RPS6KC1: variants seen among roughly 807,000 people sequenced by gnomAD.
The protein encoded by RPS6KC1 is inactive ribosomal protein S6 kinase delta-1.
Under a neutral mutation model 103.8 loss-of-function variants are expected in RPS6KC1, and 54 were observed. That is an observed-to-expected ratio of 0.52 (90% CI 0.42 to 0.65). RPS6KC1 has a LOEUF of 0.65. Among genes scored for constraint, RPS6KC1 ranks in the 30% least tolerant of loss-of-function variants. The probability of loss-of-function intolerance (pLI) is 0.00; values close to 1 mark genes in which losing one functional copy is unlikely to be tolerated. For missense variants in RPS6KC1, 1,151 were observed against 1,253.8 expected, an observed-to-expected ratio of 0.92 and a Z score of 1.24; for synonymous variants, 439 against 438.7, an observed-to-expected ratio of 1.00 and a Z score of -0.01.
At chr1:213,595,269 CTTCTT>C in the RPS6KC1 span, among the ~76,000 whole-genome samples, 2 of 152,120 alleles carry the variant, frequency 1.3e-5, no homozygotes, top group African/African-American at 4.8e-5. Flanking sequence ...GGTCAAATAA[CTTCTT>C]TTCCTTTCCA....
the RPS6KC1 span, among the ~76,000 whole-genome samples, chr1:213,432,237 A>T: frequency 6.6e-6 from 1 of 152,204 alleles, no homozygotes; most frequent in African/African-American, 2.4e-5. Flanking sequence ...CCATTCCGTG[A>T]CATGCCTTTT....
chr1:213,108,707 A>G (rs977533609), intron 4 of RPS6KC1, among the ~76,000 whole-genome samples: 1 of 144,672 alleles, frequency 6.9e-6, no homozygotes, highest in Non-Finnish European at 1.5e-5. Context: ...CGAGGCTGGG[A>G]TGCAATGGCA....
the RPS6KC1 span, among the ~76,000 whole-genome samples, chr1:213,404,338 G>T: frequency 6.6e-6 from 1 of 152,238 alleles, no homozygotes; most frequent in African/African-American, 2.4e-5. Context: ...GCACTGGCCA[G>T]GTAGAGGGGA....
the RPS6KC1 span, among the ~76,000 whole-genome samples, chr1:213,313,462 A>C: frequency 6.6e-6 from 1 of 152,020 alleles, no homozygotes; most frequent in African/African-American, 2.4e-5. Flanking sequence ...TCTTCTCTCA[A>C]GCCCTGCATT....
At chr1:213,233,643 C>T (rs1020333385) in intron 10 of RPS6KC1, among the ~76,000 whole-genome samples, 2 of 151,914 alleles carry the variant, frequency 1.3e-5, no homozygotes, top group African/African-American at 4.8e-5. Flanking sequence ...TTTTTTCTAC[C>T]ATCTTCTCAC....
At chr1:213,745,245 G>A in the RPS6KC1 span, among the ~76,000 whole-genome samples, 1 of 148,162 alleles carries the variant, frequency 6.7e-6, no homozygotes, top group African/African-American at 2.5e-5. Context: ...TTTTCTTTAT[G>A]TATGTGTGTA....
the RPS6KC1 span, among the ~76,000 whole-genome samples, chr1:213,421,788 C>T: frequency 6.6e-6 from 1 of 152,216 alleles, no homozygotes; most frequent in Non-Finnish European, 1.5e-5. Context: ...ACCATCCTGG[C>T]TTGCAGATAA....
the RPS6KC1 span, among the ~76,000 whole-genome samples, chr1:213,521,387 G>A: frequency 6.6e-6 from 1 of 152,238 alleles, no homozygotes; most frequent in South Asian, 2.1e-4. Flanking sequence ...CCTTCCGTGA[G>A]TCAATCTCTC....
chr1:213,113,957 C>T (rs1404619158), intron 4 of RPS6KC1, among the ~76,000 whole-genome samples: 2 of 152,138 alleles, frequency 1.3e-5, no homozygotes, highest in Non-Finnish European at 2.9e-5. Flanking sequence ...GTTTTGGTTA[C>T]TGTAGCCTTG....
chr1:213,640,979 G>C, the RPS6KC1 span, among the ~76,000 whole-genome samples: 5 of 151,922 alleles, frequency 3.3e-5, no homozygotes, highest in Non-Finnish European at 5.9e-5. Flanking sequence ...TTTGATTTCT[G>C]TCTGTTTTTG....
the RPS6KC1 span, among the ~76,000 whole-genome samples, chr1:213,727,266 T>C: frequency 6.6e-6 from 1 of 152,192 alleles, no homozygotes; most frequent in African/African-American, 2.4e-5. Flanking sequence ...AGCTGACATT[T>C]TGAGCCCTTA....
chr1:213,230,521 A>G lies in RPS6KC1; in HGVS notation c.1069A>G (p.Thr357Ala). The stretch of plus-strand genomic sequence containing the variant: ...GGTTTTACTTGTAATGGACACAAGG[A>G]CAGAACAGACTTTCATTTTAAAAGT... ...DKVLLVMDTR[T>A]EQTFILKGLR... Residue 357 changes from threonine to alanine, a missense_variant, in exon 9 of 15, where the codon ACA becomes GCA. Around this residue, in one of 3 missense-constraint regions of RPS6KC1, gnomAD observed 959 missense variants for 1,006.3 expected, o/e 0.95. Coordinates refer to ENST00000366960, the MANE Select transcript of RPS6KC1 (RefSeq NM_012424.6). 2 of 1,606,832 alleles carry G rather than the reference A, an allele frequency of 1.2e-6. No homozygotes were observed. Among genetic ancestry groups the G allele is most frequent in the Non-Finnish European group, 1.7e-6 (2 of 1,176,154 alleles).
the RPS6KC1 span, among the ~76,000 whole-genome samples, chr1:213,349,779 G>A: frequency 6.6e-6 from 1 of 152,194 alleles, no homozygotes; most frequent in South Asian, 2.1e-4. Flanking sequence ...TTGGAGTGAA[G>A]TTGATTAGGA....
chr1:213,585,224 G>A, the RPS6KC1 span, among the ~76,000 whole-genome samples: 6 of 152,178 alleles, frequency 3.9e-5, no homozygotes, highest in Non-Finnish European at 5.9e-5. Context: ...GGTGATAACA[G>A]CAGTGCTACC....
At chr1:213,282,272 G>A in the RPS6KC1 span, among the ~76,000 whole-genome samples, 2 of 152,288 alleles carry the variant, frequency 1.3e-5, no homozygotes, top group Admixed American at 6.5e-5. Context: ...GGGTGACTGC[G>A]GACTATAGCT....
At chr1:213,182,796 AT>A (rs1249316889) in intron 8 of RPS6KC1, among the ~76,000 whole-genome samples, 3 of 148,386 alleles carry the variant, frequency 2.0e-5, no homozygotes, top group Non-Finnish European at 3.0e-5. Context: ...TGATATATAT[AT>A]TTTATATATC....
the RPS6KC1 span, among the ~76,000 whole-genome samples, chr1:213,396,548 T>C: frequency 7.4e-3 from 1,133 of 152,314 alleles, 14 homozygotes; most frequent in African/African-American, 0.025. Flanking sequence ...TGCCCTTCCC[T>C]GTACTAGTGT....
the RPS6KC1 span, among the ~76,000 whole-genome samples, chr1:213,816,462 T>G: frequency 2.0e-5 from 3 of 151,986 alleles, no homozygotes; most frequent in East Asian, 5.8e-4. Flanking sequence ...AGTTGAAGAG[T>G]CAGCTCTGAC....
chr1:213,158,098 G>GT (rs35438135), intron 6 of RPS6KC1, among the ~76,000 whole-genome samples: 79 of 151,182 alleles, frequency 5.2e-4, no homozygotes, highest in Middle Eastern at 3.4e-3. Context: ...ATCCTGTATA[G>GT]TTTTTTTTTA....
Sources: gnomAD v4.1 joint callset for allele counts (sites outside exome capture counted in the v4.1 genomes callset) on GRCh38, gnomAD v4.1.1 for gene constraint, gnomAD v4.1.1 regional missense constraint, MANE v1.5 for transcripts, NCBI Gene and HGNC (gene_info 2026-07-23, HGNC 2026-07-21) for gene names.